Variants in CRLF3 observed in about 807,000 individuals in gnomAD.
The protein encoded by CRLF3 is cytokine receptor like factor 3, also known as cytokine receptor-like factor 3.
Under a neutral mutation model 55.0 loss-of-function variants are expected in CRLF3, and 33 were observed. The observed-to-expected ratio is 0.60, with a 90% CI of 0.46 to 0.80. CRLF3 has a LOEUF of 0.80. Ranked by LOEUF, CRLF3 falls within the 30% of genes least tolerant of loss-of-function variation. The pLI is 0.00. For synonymous variants in CRLF3, 238 were observed against 196.8 expected, an observed-to-expected ratio of 1.21 and a Z score of -1.75; for missense variants, 494 against 538.4, an observed-to-expected ratio of 0.92 and a Z score of 0.82.
At position 30,784,197 on chromosome 17, in the gene CRLF3, A is replaced by G; in HGVS notation, c.1319T>C (p.Leu440Ser). ...CSFFYPGWKV[L>S]VF ...CAAGCACCCAAACATCTAAAACACT[A>G]ACACTTTCCATCCAGGATAGAAAAA... is the stretch of plus-strand genomic sequence containing the variant. Residue 440 changes from leucine (L) to serine (S), a missense_variant, in exon 8 of 8, where the codon TTA (leucine) becomes TCA (serine). Coordinates refer to ENST00000324238, the MANE Select transcript of CRLF3 (RefSeq NM_015986.4). The G allele has an allele frequency of 6.2e-7, 1 of 1,613,588 alleles. No individual in the cohort carries two copies. Among genetic ancestry groups the G allele is most frequent in the Non-Finnish European group, 8.5e-7 (1 of 1,179,868 alleles).
intron 3 of CRLF3, among the ~76,000 whole-genome samples, chr17:30,797,101 G>A (rs1466203147): frequency 5.9e-5 from 9 of 151,984 alleles, no homozygotes; most frequent in Admixed American, 5.9e-4. Context: ...ATGTTGGCCA[G>A]GCTGGTCTCA....
intron 1 of CRLF3, among the ~76,000 whole-genome samples, chr17:30,817,295 G>A (rs553275681): frequency 3.3e-5 from 5 of 152,140 alleles, no homozygotes; most frequent in South Asian, 4.1e-4. Context: ...AAAATGAGCC[G>A]GGTGTGGTGG....
Position 30,783,913 on chromosome 17 carries a change from C to A in CRLF3, c.*274G>T, listed in dbSNP as rs977663444. 3 of 332,828 alleles carry A rather than the reference C, an allele frequency of 9.0e-6. No homozygotes were observed. Among genetic ancestry groups the A allele is most frequent in the Admixed American group, 9.0e-5 (2 of 22,106 alleles). 20.6% of individuals were successfully genotyped at this position (332,828 alleles called of 1,614,324 possible). The stretch of plus-strand genomic sequence containing the variant: ...AGAAGTACAGTGGAAGGGTATAGAA[C>A]TTCCTATATCTTCTATACTTTTAAT... On this transcript the variant is annotated 3_prime_UTR_variant, in exon 8 of 8. Transcript: ENST00000324238.
intron 1 of CRLF3, among the ~76,000 whole-genome samples, chr17:30,805,925 AG>A (rs1290840538): frequency 6.6e-6 from 1 of 152,074 alleles, no homozygotes; most frequent in Non-Finnish European, 1.5e-5. Context: ...TAGGAGGCTG[AG>A]GTGGGAGGAT....
chr17:30,788,890 G>C (rs1252170374), intron 6 of CRLF3, among the ~76,000 whole-genome samples: 6 of 152,028 alleles, frequency 3.9e-5, no homozygotes, highest in African/African-American at 1.4e-4. Context: ...ACAGGCGTGA[G>C]CCACCGTGCC....
At chr17:30,800,327 G>C (rs1971987122) in intron 2 of CRLF3, among the ~76,000 whole-genome samples, 1 of 152,026 alleles carries the variant, frequency 6.6e-6, no homozygotes, top group Admixed American at 6.6e-5. Context: ...CTGCCATACT[G>C]ACATCTCCTG....
At chr17:30,789,373 T>C (rs1003937266) in intron 6 of CRLF3, among the ~76,000 whole-genome samples, 3 of 152,122 alleles carry the variant, frequency 2.0e-5, no homozygotes, top group Non-Finnish European at 2.9e-5. Flanking sequence ...AACTATGCAA[T>C]CTATCAGACA....
intron 4 of CRLF3, 123 bp from the exon 5 acceptor site, chr17:30,793,795 GTA>G (rs1387906577): frequency 1.6e-6 from 1 of 628,598 alleles, no homozygotes; most frequent in African/African-American, 1.8e-5. Flanking sequence ...TGAATATGGG[GTA>G]TTCTTGGGAA....
At chr17:30,791,054 G>C (rs1355140834) in intron 6 of CRLF3, 2 of 152,318 alleles carry the variant, frequency 1.3e-5, no homozygotes, top group Admixed American at 6.6e-5. Flanking sequence ...GAGTGGCTGG[G>C]ATTATAGGTG....
At chr17:30,806,634 T>C (rs1237869855) in intron 1 of CRLF3, among the ~76,000 whole-genome samples, 1 of 152,074 alleles carries the variant, frequency 6.6e-6, no homozygotes, top group Non-Finnish European at 1.5e-5. Flanking sequence ...GATAAATAGG[T>C]TGTTTATACA....
intron 6 of CRLF3, among the ~76,000 whole-genome samples, chr17:30,792,009 C>T (rs951797215): frequency 6.6e-6 from 1 of 151,828 alleles, no homozygotes; most frequent in Non-Finnish European, 1.5e-5. Flanking sequence ...CCACCATGCC[C>T]GGCTGATTTT....
intron 1 of CRLF3, chr17:30,810,028 C>T (rs186310510): frequency 2.6e-5 from 4 of 152,278 alleles, no homozygotes; most frequent in East Asian, 3.9e-4. Context: ...TGGTATAACA[C>T]GTAGTATTTC....
chr17:30,792,353 A>T (rs1971821245), intron 6 of CRLF3, 87 bp downstream of exon 6: 1 of 1,248,604 alleles, frequency 8.0e-7, no homozygotes, highest in Non-Finnish European at 1.1e-6. Context: ...GAATAAACTC[A>T]GGATGTTTTG....
At chr17:30,799,942 G>C (rs1971980878) in intron 2 of CRLF3, among the ~76,000 whole-genome samples, 1 of 152,138 alleles carries the variant, frequency 6.6e-6, no homozygotes, top group Non-Finnish European at 1.5e-5. Context: ...GGTACTGCTA[G>C]AATTTTCTCA....
intron 1 of CRLF3, among the ~76,000 whole-genome samples, chr17:30,818,746 G>T (rs1040669706): frequency 9.3e-5 from 14 of 151,094 alleles, no homozygotes; most frequent in African/African-American, 3.4e-4. Context: ...GAGCCACCAC[G>T]CCTGGCCAAC....
At chr17:30,792,794 G>GTGT (rs1971835890) in intron 5 of CRLF3, 3 of 401,440 alleles carry the variant, frequency 7.5e-6, no homozygotes, top group East Asian at 6.8e-5. Context: ...AATCACACAA[G>GTGT]TGTTATCTCT....
chr17:30,824,505 T>C lies in CRLF3; in HGVS notation c.129+18A>G. The C allele has an allele frequency of 6.3e-7, 1 of 1,578,768 alleles. No homozygotes were observed. The highest frequency in any genetic ancestry group is 1.7e-4 in the Middle Eastern group (1 of 6,028). On this transcript the variant is annotated intron_variant, in intron 1 of 7. Coordinates refer to ENST00000324238, the MANE Select transcript of CRLF3 (RefSeq NM_015986.4). ...CACCCCCGGGCCCACAGCGCCCCTG[T>C]GGGTGTGGCCCTCCGACCTGCCTCC...
At position 30,810,173 on chromosome 17, in the gene CRLF3, A is replaced by G. The variant is rs115745559; in HGVS notation, c.130-6065T>C. Among the ~76,000 whole-genome samples the G allele has an allele frequency of 4.2e-3, 647 of 152,360 alleles. 2 individuals are homozygous for G. The highest frequency in any genetic ancestry group is 0.017 in the Middle Eastern group (5 of 294). ...ATACAAATGACAGACAAGATTTCAA[A>G]CAGGAAACTGTAATATACATTGTTT... On this transcript the variant is annotated intron_variant, in intron 1 of 7. Transcript: ENST00000324238.
chr17:30,796,264 C>G lies in CRLF3; in HGVS notation c.499G>C (p.Val167Leu), dbSNP rs1971916541. The G allele has an allele frequency of 3.1e-6, 5 of 1,614,014 alleles. No individual in the cohort carries two copies. Among genetic ancestry groups the G allele is most frequent in the Non-Finnish European group, 4.2e-6 (5 of 1,179,970 alleles). Residue 167 changes from valine (V) to leucine (L), a missense_variant, in exon 4 of 8, where the codon GTG (valine) becomes CTG (leucine). By Grantham distance (32) the Val-to-Leu change is conservative. Coordinates refer to ENST00000324238, the MANE Select transcript of CRLF3 (RefSeq NM_015986.4). ...CCATGCTTAAAAATGTGGTCTTTCA[C>G]TATGTTAAGAATTGAGTCATCCAAC... ...AQLDDSILNI[V>L]KDHIFKHGTV...
Sources: allele counts gnomAD v4.1 joint callset (sites outside exome capture counted in the v4.1 genomes callset), GRCh38; gene constraint gnomAD v4.1.1; transcripts MANE v1.5; gene names NCBI Gene and HGNC (gene_info 2026-07-23, HGNC 2026-07-21).